TJP2: variants seen among roughly 807,000 people sequenced by gnomAD.
TJP2 encodes Friedreich ataxia region gene X104 (tight junction protein ZO-2).
In TJP2, 91 loss-of-function variants were observed where a neutral mutation model predicts 133.1. The observed-to-expected ratio is 0.68, with a 90% CI of 0.58 to 0.81. The LOEUF is 0.81. TJP2 is among the 40% of genes least tolerant of loss of function. The pLI is 0.00. For missense variants in TJP2, 1,541 were observed against 1,565.6 expected, an observed-to-expected ratio of 0.98 and a Z score of 0.26; for synonymous variants, 592 against 583.4, an observed-to-expected ratio of 1.01 and a Z score of -0.21.
intron 1 of TJP2, among the ~76,000 whole-genome samples, chr9:69,127,220 C>T (rs1383923126): frequency 1.4e-5 from 1 of 71,894 alleles, no homozygotes; most frequent in Non-Finnish European, 3.1e-5. Context: ...CAGGTGCCCG[C>T]CACCACGCCC....
chr9:69,234,378 C>G, intron 11 of TJP2, 61 bp from the exon 12 acceptor site: 57 of 1,229,446 alleles, frequency 4.6e-5, no homozygotes, highest in Non-Finnish European at 5.9e-5. Context: ...TTTTTTCTTT[C>G]TTTCTTTCTT....
At chr9:69,208,677 C>T (rs919150439) in intron 1 of TJP2, among the ~76,000 whole-genome samples, 1 of 152,118 alleles carries the variant, frequency 6.6e-6, no homozygotes, top group African/African-American at 2.4e-5. Context: ...TAAAAATATT[C>T]TCTATAATAG....
At chr9:69,175,012 C>T (rs965355858) in intron 1 of TJP2, among the ~76,000 whole-genome samples, 2 of 151,748 alleles carry the variant, frequency 1.3e-5, no homozygotes, top group African/African-American at 2.4e-5. Context: ...ACTAGCCTAC[C>T]TGTCACCAGT....
intron 1 of TJP2, chr9:69,121,902 G>C (rs1427616666): frequency 6.5e-6 from 1 of 152,740 alleles, no homozygotes; most frequent in Non-Finnish European, 1.5e-5. Flanking sequence ...GCCCTGGGTC[G>C]TTTGTGCAGG....
chr9:69,252,308 A>G (rs1831396324), intron 21 of TJP2, among the ~76,000 whole-genome samples: 1 of 152,170 alleles, frequency 6.6e-6, no homozygotes, highest in East Asian at 1.9e-4. Context: ...ACCATTTTAA[A>G]ACGTTCGGTT....
chr9:69,249,142 G>A (rs1319011288), intron 19 of TJP2: 2 of 985,232 alleles, frequency 2.0e-6, no homozygotes, highest in Non-Finnish European at 2.4e-6. Context: ...ACTTTTGGAG[G>A]GTTCTTAAAA....
intron 1 of TJP2, among the ~76,000 whole-genome samples, chr9:69,132,212 C>T (rs1822525318): frequency 6.6e-6 from 1 of 152,238 alleles, no homozygotes; most frequent in Non-Finnish European, 1.5e-5. Context: ...TTCAGACTCA[C>T]ACAAGGAAAG....
At chr9:69,205,821 A>G (rs548271050) in intron 1 of TJP2, among the ~76,000 whole-genome samples, 65 of 152,292 alleles carry the variant, frequency 4.3e-4, no homozygotes, top group African/African-American at 1.5e-3. Flanking sequence ...CAGTCTGTGG[A>G]TACAGAATCT....
At chr9:69,225,524 A>T (rs1829277063) in intron 6 of TJP2, 117 bp downstream of exon 6, 1 of 741,144 alleles carries the variant, frequency 1.3e-6, no homozygotes, top group Non-Finnish European at 2.4e-6. Context: ...GGTAAGACAG[A>T]GGTGGCAAGA....
At chr9:69,234,019 C>T (rs774963454) in intron 11 of TJP2, among the ~76,000 whole-genome samples, 8 of 152,174 alleles carry the variant, frequency 5.3e-5, no homozygotes, top group Non-Finnish European at 7.4e-5. Flanking sequence ...AAATGCTGGG[C>T]CAGCATGCTC....
intron 1 of TJP2, among the ~76,000 whole-genome samples, chr9:69,149,002 TTC>T (rs1298686856): frequency 1.3e-5 from 2 of 152,230 alleles, no homozygotes; most frequent in Non-Finnish European, 2.9e-5. Context: ...TGTAAAGTTT[TTC>T]AGCTTTAACT....
At chr9:69,122,552 G>A (rs1822193845) in intron 1 of TJP2, among the ~76,000 whole-genome samples, 1 of 152,216 alleles carries the variant, frequency 6.6e-6, no homozygotes, top group South Asian at 2.1e-4. Context: ...GGCGTTGTAA[G>A]TTTCCCAGGG....
intron 16 of TJP2, 61 bp from the exon 17 acceptor site, chr9:69,239,876 G>A (rs1830465452): frequency 1.5e-6 from 2 of 1,312,028 alleles, no homozygotes; most frequent in African/African-American, 1.5e-5. Context: ...TTAAAACAAA[G>A]TATTTGATGC....
At chr9:69,241,903 C>A (rs774072491) in intron 17 of TJP2, among the ~76,000 whole-genome samples, 1 of 152,150 alleles carries the variant, frequency 6.6e-6, no homozygotes, top group Non-Finnish European at 1.5e-5. Context: ...CGTAATGCAG[C>A]CCTTCCTTTT....
chr9:69,223,032 G>GCACT (rs1829008535), intron 5 of TJP2, among the ~76,000 whole-genome samples: 1 of 123,202 alleles, frequency 8.1e-6, no homozygotes, highest in South Asian at 2.8e-4. Context: ...TCATGTCACT[G>GCACT]CACTCCAGCC....
intron 19 of TJP2, 195 bp downstream of exon 19, chr9:69,248,419 TTCAGAAGAGCTTGAGGGG>T: frequency 7.0e-7 from 1 of 1,429,980 alleles, no homozygotes. Flanking sequence ...GCAGGTGGAC[TTCAGAAGAGCTTGAGGGG>T]TCAGCACTCC....
At chr9:69,217,911 G>C (rs1828513400) in intron 3 of TJP2, among the ~76,000 whole-genome samples, 3 of 152,110 alleles carry the variant, frequency 2.0e-5, no homozygotes, top group Admixed American at 2.0e-4. Flanking sequence ...CTTTTCTGAA[G>C]CCCACCGTGC....
At chr9:69,240,221 A>G in intron 17 of TJP2, 74 bp downstream of exon 17, 1 of 1,332,954 alleles carries the variant, frequency 7.5e-7, no homozygotes, top group Non-Finnish European at 1.0e-6. Context: ...AGAAATAATT[A>G]ATTAATCTGA....
At chr9:69,155,227 C>CAAAA (rs58935075) in intron 2 of TJP2, among the ~76,000 whole-genome samples, 1 of 98,774 alleles carries the variant, frequency 1.0e-5, no homozygotes, top group Non-Finnish European at 1.9e-5. Context: ...ACTCCATTTC[C>CAAAA]AAAAAAAAAA....
Sources: gnomAD v4.1 joint callset for allele counts (sites outside exome capture counted in the v4.1 genomes callset) on GRCh38, gnomAD v4.1.1 for gene constraint, MANE v1.5 for transcripts, NCBI Gene and HGNC (gene_info 2026-07-23, HGNC 2026-07-21) for gene names.